GAS7: variants seen among roughly 807,000 people sequenced by gnomAD.
The protein encoded by GAS7 is growth arrest specific 7.
Under a neutral mutation model 71.1 loss-of-function variants are expected in GAS7, and 28 were observed. The observed-to-expected ratio is 0.39, with a 90% CI of 0.29 to 0.54. GAS7 has a LOEUF of 0.54. Ranked by LOEUF, GAS7 falls within the 20% of genes least tolerant of loss-of-function variation. The pLI is 0.62. For synonymous variants in GAS7, 258 were observed against 245.8 expected, an observed-to-expected ratio of 1.05 and a Z score of -0.46; for missense variants, 436 against 627.8, an observed-to-expected ratio of 0.69 and a Z score of 3.27.
rs1270696646 is a variant in GAS7, at chr17:9,915,263, T to C, written c.*1965A>G. ...TCAATGAGCCATATTGTACTCAAAATATCTTGTTAATAACAAGGCTATTGG... is the reference window on the plus strand; with the variant it reads ...TCAATGAGCCATATTGTACTCAAAACATCTTGTTAATAACAAGGCTATTGG... On this transcript the variant is annotated 3_prime_UTR_variant, in exon 14 of 14. Transcript: ENST00000432992. 4.3e-6 allele frequency: 1 copy of C among 230,916 alleles called. No individual in the cohort carries two copies. Among genetic ancestry groups the C allele is most frequent in the East Asian group, 6.2e-5 (1 of 16,222 alleles). 14.3% of individuals were successfully genotyped at this position (230,916 alleles called of 1,614,324 possible). A position where few individuals can be genotyped will look rare whatever the true frequency, so the allele number is the denominator to read the frequency against.
rs1186256001 is a variant in GAS7 at position 10,148,640 on chromosome 17, G to A, written c.183+49568C>T. On this transcript the variant is annotated intron_variant, in intron 1 of 13. Coordinates refer to ENST00000432992, the MANE Select transcript of GAS7 (RefSeq NM_201433.2). ...AAAAAAAAAAAAAAAGGCCAGGCGC[G>A]GTGGCTCACGCCTGTAATCCCAGCA... 8.8e-5 allele frequency among the ~76,000 whole-genome samples: 13 copies of A among 148,126 alleles called. No individual in the cohort carries two copies. In the South Asian group the frequency reaches 1.3e-3, roughly 15 times the overall value.
intron 1 of GAS7, among the ~76,000 whole-genome samples, chr17:10,029,149 G>C (rs2072546112): frequency 6.6e-6 from 1 of 152,314 alleles, no homozygotes; most frequent in East Asian, 1.9e-4. Context: ...GGGAAGACCA[G>C]TGCAAGAATA....
At chr17:10,036,720 T>G in intron 1 of GAS7, 3 of 1,271,348 alleles carry the variant, frequency 2.4e-6, no homozygotes, top group Non-Finnish European at 3.0e-6. Context: ...TAACAACTTG[T>G]TCTGGACTTT....
chr17:10,071,949 A>AG (rs2073344255), intron 1 of GAS7, among the ~76,000 whole-genome samples: 1 of 150,670 alleles, frequency 6.6e-6, no homozygotes, highest in African/African-American at 2.4e-5. Context: ...GAAAAAAAAA[A>AG]AAAAGAAAAG....
At chr17:10,062,030 G>A (rs188695929) in intron 1 of GAS7, among the ~76,000 whole-genome samples, 30 of 152,234 alleles carry the variant, frequency 2.0e-4, no homozygotes, top group African/African-American at 2.4e-5. Flanking sequence ...TAACATGGCC[G>A]AAAACCCTGG....
intron 1 of GAS7, among the ~76,000 whole-genome samples, chr17:10,141,472 G>A (rs1331782639): frequency 2.0e-5 from 3 of 151,588 alleles, no homozygotes; most frequent in African/African-American, 7.3e-5. Context: ...GCTTGAATGA[G>A]TGCCTGAGCA....
chr17:10,164,886 C>T (rs1454744772), intron 1 of GAS7, among the ~76,000 whole-genome samples: 6 of 149,422 alleles, frequency 4.0e-5, no homozygotes, highest in Non-Finnish European at 5.9e-5. Flanking sequence ...CAGTGGCTCA[C>T]GCCTGTAATC....
chr17:9,940,218 C>A lies in GAS7; in HGVS notation c.732-18G>T, dbSNP rs1213617095. The A allele has an allele frequency of 3.1e-6, 5 of 1,602,978 alleles. No homozygotes were observed. ...TCTTTATCCTGCAAAGAGAGAAAAC[C>A]CAACACACATCAGCTCTCCAGTGCC... is the stretch of plus-strand genomic sequence containing the variant. On this transcript the variant is annotated intron_variant, in intron 7 of 13. Coordinates refer to ENST00000432992, the MANE Select transcript of GAS7 (RefSeq NM_201433.2).
At chr17:10,154,339 A>G (rs2074188608) in intron 1 of GAS7, among the ~76,000 whole-genome samples, 2 of 151,832 alleles carry the variant, frequency 1.3e-5, no homozygotes, top group South Asian at 4.2e-4. Flanking sequence ...TCTCTACAAG[A>G]AATAAAATTA....
At chr17:10,046,835 AG>A (rs2072974238) in intron 1 of GAS7, among the ~76,000 whole-genome samples, 6 of 130,700 alleles carry the variant, frequency 4.6e-5, no homozygotes, top group Admixed American at 2.2e-4. Flanking sequence ...GAAGGAAGGA[AG>A]GAAGGAAGGA....
At chr17:10,059,301 G>A (rs1033209493) in intron 1 of GAS7, among the ~76,000 whole-genome samples, 7 of 152,088 alleles carry the variant, frequency 4.6e-5, no homozygotes, top group South Asian at 2.1e-4. Flanking sequence ...ACAAATTCTC[G>A]CTACACTGGG....
intron 3 of GAS7, among the ~76,000 whole-genome samples, chr17:9,975,654 G>T (rs1028936779): frequency 2.6e-5 from 4 of 152,100 alleles, no homozygotes; most frequent in South Asian, 2.1e-4. Context: ...GATGTGTATT[G>T]TAAGTGTTAT....
intron 1 of GAS7, chr17:10,114,696 CCACA>C (rs60196807): frequency 0.19 from 27,888 of 147,134 alleles, 2,893 homozygotes; most frequent in Middle Eastern, 0.27. Flanking sequence ...AAGAGAAAAA[CCACA>C]CACACACACA....
intron 1 of GAS7, among the ~76,000 whole-genome samples, chr17:10,087,698 G>A (rs186937112): frequency 1.3e-5 from 2 of 152,350 alleles, no homozygotes; most frequent in African/African-American, 4.8e-5. Context: ...TCCTGGGGGA[G>A]ATTGAACATT....
rs536590651 is a variant in GAS7, at chr17:9,971,904, G to A, written c.386-2142C>T. ...GTTGGGCAATGGGATGATGAAGCCC[G>A]TTCCACGGAGAACCCGTCTCCTGCT... is the stretch of plus-strand genomic sequence containing the variant. On this transcript the variant is annotated intron_variant, in intron 3 of 13. Coordinates refer to ENST00000432992, the MANE Select transcript of GAS7 (RefSeq NM_201433.2). Among the ~76,000 whole-genome samples the A allele has an allele frequency of 1.8e-3, 278 of 152,288 alleles. 1 individual carries two copies. The highest frequency in any genetic ancestry group is 2.7e-3 in the Non-Finnish European group (182 of 68,028).
chr17:9,988,132 T>G (rs1239076518), intron 2 of GAS7, among the ~76,000 whole-genome samples: 1 of 152,254 alleles, frequency 6.6e-6, no homozygotes, highest in African/African-American at 2.4e-5. Context: ...TCTGTGCTAC[T>G]TGCTCTATCT....
At chr17:10,161,793 G>A (rs572843812) in intron 1 of GAS7, among the ~76,000 whole-genome samples, 3 of 152,162 alleles carry the variant, frequency 2.0e-5, no homozygotes, top group African/African-American at 4.8e-5. Flanking sequence ...GGCCGGGTGC[G>A]GTGGCTCATG....
At chr17:9,931,633 T>C (rs1038357918) in intron 9 of GAS7, among the ~76,000 whole-genome samples, 1 of 152,240 alleles carries the variant, frequency 6.6e-6, no homozygotes, top group African/African-American at 2.4e-5. Flanking sequence ...TTGGATGCAA[T>C]GCAGGAAAAA....
intron 1 of GAS7, among the ~76,000 whole-genome samples, chr17:10,173,276 A>G (rs1022776725): frequency 3.9e-5 from 6 of 152,184 alleles, no homozygotes; most frequent in Non-Finnish European, 7.3e-5. Flanking sequence ...GCTGTATAAC[A>G]CTGTGAATGT....
Sources: allele counts gnomAD v4.1 joint callset (sites outside exome capture counted in the v4.1 genomes callset), GRCh38; gene constraint gnomAD v4.1.1; transcripts MANE v1.5; gene names NCBI Gene and HGNC (gene_info 2026-07-23, HGNC 2026-07-21).